Variants in RCL1 observed in about 807,000 individuals in gnomAD.
RCL1 encodes the protein RNA 3'-terminal phosphate cyclase-like protein.
In RCL1, 24 loss-of-function variants were observed where a neutral mutation model predicts 42.4. The ratio of observed to expected loss-of-function variants is 0.57; its 90% CI spans 0.41 to 0.80. The LOEUF is 0.80. Among genes scored for constraint, RCL1 ranks in the 30% least tolerant of loss-of-function variants. The pLI, the probability that RCL1 is intolerant of heterozygous loss-of-function variation, is 0.00. For missense variants in RCL1, 578 were observed against 467.9 expected, an observed-to-expected ratio of 1.24 and a Z score of -2.17; for synonymous variants, 228 against 177.3, an observed-to-expected ratio of 1.29 and a Z score of -2.27.
intron 6 of RCL1, among the ~76,000 whole-genome samples, chr9:4,842,061 T>C (rs10815093): frequency 0.36 from 55,466 of 152,052 alleles, 10,494 homozygotes; most frequent in South Asian, 0.48. Context: ...GATATACTCC[T>C]GCTGCCTATA....
chr9:4,797,408 C>G (rs185395831), intron 1 of RCL1, among the ~76,000 whole-genome samples: 1 of 152,236 alleles, frequency 6.6e-6, no homozygotes, highest in Non-Finnish European at 1.5e-5. Context: ...TAAAGTTCTT[C>G]TCCTAGGTGG....
chr9:4,838,083 G>C (rs1817197627), intron 5 of RCL1, among the ~76,000 whole-genome samples: 1 of 152,196 alleles, frequency 6.6e-6, no homozygotes, highest in Non-Finnish European at 1.5e-5. Flanking sequence ...AGCTGCCTTT[G>C]GAAAAAGCTT....
At chr9:4,805,570 G>C (rs1182111073) in intron 1 of RCL1, among the ~76,000 whole-genome samples, 1 of 152,166 alleles carries the variant, frequency 6.6e-6, no homozygotes, top group Admixed American at 6.5e-5. Flanking sequence ...CAATCAGCAG[G>C]GTAAGTAGGT....
rs930392265 is a variant in RCL1, at chr9:4,842,653, A to C, written c.710+1296A>C. On this transcript the variant is annotated intron_variant, in intron 6 of 8. Transcript: ENST00000381750. ...GTAAAGATCACACATATAAGCCATTAATACCTTGCTTGTCACATGGTAAGT... is the reference window on the plus strand; with the variant it reads ...GTAAAGATCACACATATAAGCCATTCATACCTTGCTTGTCACATGGTAAGT... Among the ~76,000 whole-genome samples, 3 of 152,210 alleles carry C rather than the reference A, an allele frequency of 2.0e-5. No homozygotes were observed. In the South Asian group the frequency reaches 6.2e-4, roughly 32 times the overall value.
chr9:4,832,191 A>T (rs145704677), intron 3 of RCL1, among the ~76,000 whole-genome samples: 200 of 152,350 alleles, frequency 1.3e-3, no homozygotes, highest in Non-Finnish European at 2.6e-3. Flanking sequence ...GGAGCTCTGA[A>T]TGCAGGAGGA....
chr9:4,834,376 C>A (rs1817051730), intron 5 of RCL1, 111 bp downstream of exon 5: 1 of 1,251,962 alleles, frequency 8.0e-7, no homozygotes, highest in Non-Finnish European at 1.1e-6. Flanking sequence ...TTTTAGACTA[C>A]AACTTTGAAA....
rs1277592168 is a variant in RCL1 at position 4,792,997 on chromosome 9, G to C, written c.-95G>C. The C allele has an allele frequency of 2.8e-6, 4 of 1,426,460 alleles. No individual in the cohort carries two copies. In the East Asian group the frequency reaches 1.0e-4, roughly 37 times the overall value. The allele number at this position is 1,426,460 out of a possible 1,614,324, so 88.4% of individuals were successfully genotyped here. ...GAGGCAGCCCGAGCCGCCGCCGTCG[G>C]TGTCGCCGCCACCACCACCATCGGA... On this transcript the variant is annotated 5_prime_UTR_variant, in exon 1 of 9. Transcript: ENST00000381750.
chr9:4,835,883 A>G (rs1817110671), intron 5 of RCL1, among the ~76,000 whole-genome samples: 1 of 152,168 alleles, frequency 6.6e-6, no homozygotes, highest in South Asian at 2.1e-4. Flanking sequence ...AATGGTTACT[A>G]CTATTCTTTT....
intron 1 of RCL1, among the ~76,000 whole-genome samples, chr9:4,807,415 C>T (rs1315823433): frequency 6.6e-6 from 1 of 152,106 alleles, no homozygotes; most frequent in East Asian, 1.9e-4. Flanking sequence ...TCAACATTGC[C>T]TTAGTTGTAT....
intron 7 of RCL1, among the ~76,000 whole-genome samples, chr9:4,845,969 A>G (rs1343052608): frequency 1.3e-5 from 2 of 152,248 alleles, no homozygotes; most frequent in Admixed American, 1.3e-4. Flanking sequence ...AGTTAAATAA[A>G]ATCAGTAAAA....
At chr9:4,817,496 C>T (rs1044529252) in intron 1 of RCL1, among the ~76,000 whole-genome samples, 1 of 142,278 alleles carries the variant, frequency 7.0e-6, no homozygotes, top group Non-Finnish European at 1.5e-5. Flanking sequence ...TTTTTTGAGA[C>T]AGGGTCTGGC....
chr9:4,819,784 T>C (rs1021399535), intron 1 of RCL1, among the ~76,000 whole-genome samples: 3 of 152,186 alleles, frequency 2.0e-5, no homozygotes, highest in Non-Finnish European at 2.9e-5. Context: ...TCCAGCCTGG[T>C]GACAGAGCGA....
rs753750304 is a variant in RCL1 at position 4,834,137 on chromosome 9, G to A, written c.460-4G>A. ...TCGCCTCATCTTTCTCACTCTCTGT[G>A]TAGATTGTGCGACGGGGAATGCCTC... On this transcript the variant is annotated splice_polypyrimidine_tract_variant and splice_region_variant and intron_variant, in intron 4 of 8. Transcript: ENST00000381750. The A allele has an allele frequency of 3.1e-6, 5 of 1,612,322 alleles. No homozygotes were observed. In the South Asian group the frequency reaches 3.3e-5, roughly 11 times the overall value.
chr9:4,850,872 C>T (rs556302597), intron 8 of RCL1, among the ~76,000 whole-genome samples: 5 of 152,166 alleles, frequency 3.3e-5, no homozygotes, highest in South Asian at 2.1e-4. Context: ...TCGTAGCTGC[C>T]GTTTCCCAGC....
At chr9:4,844,426 T>C in intron 6 of RCL1, 99 bp from the exon 7 acceptor site, 1 of 874,944 alleles carries the variant, frequency 1.1e-6, no homozygotes, top group South Asian at 1.8e-5. Context: ...TTGAACACAG[T>C]GCCGTCAAAA....
intron 1 of RCL1, among the ~76,000 whole-genome samples, chr9:4,815,695 C>G (rs753500530): frequency 2.6e-5 from 4 of 151,964 alleles, no homozygotes; most frequent in Non-Finnish European, 5.9e-5. Context: ...AGCCATAGTT[C>G]TAATTCCAGG....
At chr9:4,827,218 A>G (rs1439473689) in intron 3 of RCL1, 185 bp downstream of exon 3, 2 of 1,524,192 alleles carry the variant, frequency 1.3e-6, no homozygotes, top group East Asian at 2.5e-5. Context: ...AGGATCATCA[A>G]ATTCAGGACT....
At chr9:4,839,556 T>C (rs1817244770) in intron 5 of RCL1, 1 of 577,468 alleles carries the variant, frequency 1.7e-6, no homozygotes, top group African/African-American at 2.0e-5. Flanking sequence ...AGCACCTGCT[T>C]GGTCCAAAGG....
chr9:4,820,541 A>G (rs750367243), intron 1 of RCL1, among the ~76,000 whole-genome samples: 2 of 152,124 alleles, frequency 1.3e-5, no homozygotes, highest in Non-Finnish European at 2.9e-5. Flanking sequence ...GTCCGTGTGG[A>G]TTGCAAAAAA....
Sources: gnomAD v4.1 joint callset for allele counts (sites outside exome capture counted in the v4.1 genomes callset) on GRCh38, gnomAD v4.1.1 for gene constraint, MANE v1.5 for transcripts, NCBI Gene and HGNC (gene_info 2026-07-23, HGNC 2026-07-21) for gene names.